EIF4G3: variants seen among roughly 807,000 people sequenced by gnomAD.
EIF4G3 encodes the protein eukaryotic translation initiation factor 4 gamma 3.
EIF4G3 carries 34 observed loss-of-function variants against 186.4 expected under a neutral mutation model. The ratio of observed to expected loss-of-function variants is 0.18; its 90% CI spans 0.14 to 0.24. The LOEUF (loss-of-function observed/expected upper bound fraction) is 0.24, where lower values mean the gene tolerates loss of function less well. Among genes scored for constraint, EIF4G3 ranks in the 10% least tolerant of loss-of-function variants. The pLI is 1.00. For synonymous variants in EIF4G3, 673 were observed against 679.5 expected (o/e 0.99, Z 0.15); for missense variants, 1,536 against 1,948.5 (o/e 0.79, Z 3.99).
intron 4 of EIF4G3, among the ~76,000 whole-genome samples, chr1:21,017,943 A>AT (rs553573382): frequency 4.6e-5 from 7 of 150,970 alleles, no homozygotes; most frequent in East Asian, 1.9e-4. Context: ...ACAATTACAT[A>AT]TTTTTTTTTC....
intron 12 of EIF4G3, 89 bp downstream of exon 12, chr1:20,969,385 A>G: frequency 6.9e-7 from 1 of 1,456,414 alleles, no homozygotes; most frequent in Non-Finnish European, 9.3e-7. Context: ...TGGAAATGAA[A>G]AGTACAGAAA....
At chr1:20,921,155 TC>T (rs1443620802) in intron 14 of EIF4G3, among the ~76,000 whole-genome samples, 1 of 152,084 alleles carries the variant, frequency 6.6e-6, no homozygotes, top group African/African-American at 2.4e-5. Flanking sequence ...AGAAAAAAAA[TC>T]TTCTAATTTT....
At position 21,102,372 on chromosome 1, in the gene EIF4G3, A is replaced by G. The variant is rs116498140; in HGVS notation, c.-271-13159T>C. ...ACCCTGATTTTTACCTAATAAAACA[A>G]TTTTCCCCCAACACTTTGTACCAGA... On this transcript the variant is annotated intron_variant, in intron 2 of 36. Transcript: ENST00000602326. 5.1e-3 allele frequency among the ~76,000 whole-genome samples: 776 copies of G among 152,276 alleles called. 7 individuals carry two copies. The highest frequency in any genetic ancestry group is 0.018 in the African/African-American group (745 of 41,544).
intron 2 of EIF4G3, among the ~76,000 whole-genome samples, chr1:21,091,084 T>A (rs6691824): frequency 6.6e-6 from 1 of 152,020 alleles, no homozygotes; most frequent in Admixed American, 6.6e-5. Context: ...CCGAACAGGA[T>A]TTCTCAAAAC....
chr1:20,918,088 T>G (rs940019733), intron 14 of EIF4G3, among the ~76,000 whole-genome samples: 3 of 152,154 alleles, frequency 2.0e-5, no homozygotes, highest in African/African-American at 7.2e-5. Flanking sequence ...AAAGGTAATA[T>G]TCCTCTCTCC....
chr1:21,115,501 G>A (rs769949287), intron 2 of EIF4G3, among the ~76,000 whole-genome samples: 1 of 152,174 alleles, frequency 6.6e-6, no homozygotes, highest in Non-Finnish European at 1.5e-5. Flanking sequence ...GCTTCATTCA[G>A]TTGCCACAAA....
chr1:20,943,974 TTGTGTG>T (rs1163268356), intron 13 of EIF4G3, among the ~76,000 whole-genome samples: 26 of 62,532 alleles, frequency 4.2e-4, no homozygotes, highest in African/African-American at 1.3e-3. Flanking sequence ...TTTATTTTTT[TTGTGTG>T]TGTGTGTGTG....
At chr1:21,141,273 T>TA (rs1399557912) in intron 2 of EIF4G3, among the ~76,000 whole-genome samples, 5 of 152,172 alleles carry the variant, frequency 3.3e-5, no homozygotes, top group Non-Finnish European at 5.9e-5. Flanking sequence ...TGTGCCATGT[T>TA]ACAGAAGAAT....
chr1:21,108,842 G>A (rs67725584), intron 2 of EIF4G3, among the ~76,000 whole-genome samples: 73 of 142,664 alleles, frequency 5.1e-4, no homozygotes, highest in Non-Finnish European at 7.9e-4. Flanking sequence ...GACAGAGGTC[G>A]CAGTGAGCTG....
intron 17 of EIF4G3, 78 bp from the exon 18 acceptor site, chr1:20,893,714 T>C: frequency 7.0e-7 from 1 of 1,422,932 alleles, no homozygotes; most frequent in Non-Finnish European, 9.3e-7. Flanking sequence ...AAATTTTTAC[T>C]GAAAAGTTAC....
chr1:20,964,423 T>C (rs2074161297), intron 12 of EIF4G3, among the ~76,000 whole-genome samples: 1 of 152,190 alleles, frequency 6.6e-6, no homozygotes, highest in African/African-American at 2.4e-5. Flanking sequence ...TATATACACA[T>C]ATGCATATTT....
chr1:20,957,225 T>C (rs1376012284), intron 12 of EIF4G3, among the ~76,000 whole-genome samples: 1 of 152,140 alleles, frequency 6.6e-6, no homozygotes, highest in Non-Finnish European at 1.5e-5. Flanking sequence ...TTTAAAGTTC[T>C]TGGGGGCAAA....
chr1:21,146,174 T>C (rs1025352051), intron 2 of EIF4G3, among the ~76,000 whole-genome samples: 8 of 152,124 alleles, frequency 5.3e-5, no homozygotes, highest in African/African-American at 1.9e-4. Context: ...AGCAACATAG[T>C]GAGACCCAGT....
At chr1:20,881,865 T>C (rs1277852876) in intron 19 of EIF4G3, among the ~76,000 whole-genome samples, 1 of 150,880 alleles carries the variant, frequency 6.6e-6, no homozygotes, top group Non-Finnish European at 1.5e-5. Context: ...AAGACACTGC[T>C]GAAAGAATGA....
At chr1:21,040,599 C>T (rs911482874) in intron 4 of EIF4G3, among the ~76,000 whole-genome samples, 5 of 152,150 alleles carry the variant, frequency 3.3e-5, no homozygotes, top group Admixed American at 1.3e-4. Flanking sequence ...TTTAATCTTT[C>T]TGTGTCAAGT....
intron 14 of EIF4G3, among the ~76,000 whole-genome samples, chr1:20,921,053 G>C (rs902086268): frequency 1.3e-5 from 2 of 151,666 alleles, no homozygotes; most frequent in Non-Finnish European, 2.9e-5. Context: ...ATTATATTTG[G>C]GTGTGTTTGA....
At chr1:21,077,027 A>G (rs1392398053) in intron 3 of EIF4G3, among the ~76,000 whole-genome samples, 1 of 152,234 alleles carries the variant, frequency 6.6e-6, no homozygotes, top group African/African-American at 2.4e-5. Flanking sequence ...GAGAAAATAT[A>G]TGCAAACTAT....
At chr1:21,135,748 T>C (rs1048489951) in intron 2 of EIF4G3, among the ~76,000 whole-genome samples, 8 of 152,168 alleles carry the variant, frequency 5.3e-5, no homozygotes, top group Non-Finnish European at 1.2e-4. Context: ...CATGTATAAC[T>C]AATATGGGTA....
intron 2 of EIF4G3, among the ~76,000 whole-genome samples, chr1:21,103,535 G>A (rs1321430964): frequency 6.6e-6 from 1 of 152,114 alleles, no homozygotes; most frequent in Non-Finnish European, 1.5e-5. Flanking sequence ...AATGAAAGAG[G>A]AAAAATTAAT....
Sources: gnomAD v4.1 joint callset for allele counts (sites outside exome capture counted in the v4.1 genomes callset) on GRCh38, gnomAD v4.1.1 for gene constraint, MANE v1.5 for transcripts, NCBI Gene and HGNC (gene_info 2026-07-23, HGNC 2026-07-21) for gene names.